CYB5RL: variants seen among roughly 807,000 people sequenced by gnomAD.
The protein encoded by CYB5RL is cytochrome b5 reductase like.
In CYB5RL, 38 loss-of-function variants were observed where a neutral mutation model predicts 37.5. The ratio of observed to expected loss-of-function variants is 1.01; its 90% confidence interval spans 0.78 to 1.33. The LOEUF (loss-of-function observed/expected upper bound fraction) is 1.33. Among genes scored for constraint, CYB5RL ranks in the 40% most tolerant of loss-of-function variants. CYB5RL has a pLI of 0.00. For missense variants in CYB5RL, 388 were observed against 394.4 expected, an observed-to-expected ratio of 0.98 and a Z score of 0.14; for synonymous variants, 141 against 151.9, an observed-to-expected ratio of 0.93 and a Z score of 0.53.
chr1:54,171,942 C>T lies in CYB5RL; in HGVS notation c.*2677G>A, dbSNP rs1659903048. ...TTGGCACCAAGGGCACGGCTGGGTC[C>T]CCACCAATGTCCCATGATAAGAGAT... On this transcript the variant is annotated 3_prime_UTR_variant, in exon 8 of 8. Coordinates refer to ENST00000534324, the MANE Select transcript of CYB5RL (RefSeq NM_001031672.4). 1 of 167,960 alleles carries T rather than the reference C, an allele frequency of 6.0e-6. No homozygotes were observed. The highest frequency in any genetic ancestry group is 2.4e-5 in the African/African-American group (1 of 41,748). 10.4% of individuals were successfully genotyped at this position (167,960 alleles called of 1,614,324 possible). A position where few individuals can be genotyped will look rare whatever the true frequency, so the allele number is the denominator to read the frequency against.
At chr1:54,185,361 T>C (rs1192674300) in intron 5 of CYB5RL, 1 of 149,498 alleles carries the variant, frequency 6.7e-6, no homozygotes, top group East Asian at 1.9e-4. Flanking sequence ...GAGAGGACTC[T>C]GGACATCAGG....
At chr1:54,179,964 G>A (rs565983727) in intron 6 of CYB5RL, 56 of 453,618 alleles carry the variant, frequency 1.2e-4, no homozygotes, top group Non-Finnish European at 1.8e-4. Flanking sequence ...GTGAGTTCCC[G>A]GCCAGGAGTG....
intron 7 of CYB5RL, 68 bp from the exon 8 acceptor site, chr1:54,174,890 C>G: frequency 6.6e-7 from 1 of 1,516,678 alleles, no homozygotes; most frequent in East Asian, 2.3e-5. Context: ...ACACAGCCAG[C>G]TCTCCTCTGC....
chr1:54,194,090 G>T (rs953649424), intron 3 of CYB5RL, among the ~76,000 whole-genome samples: 5 of 150,954 alleles, frequency 3.3e-5, no homozygotes, highest in African/African-American at 9.7e-5. Flanking sequence ...CAACTGCAAG[G>T]CCAGGTGTGG....
intron 6 of CYB5RL, among the ~76,000 whole-genome samples, chr1:54,183,726 A>G (rs1660220802): frequency 6.6e-6 from 1 of 152,198 alleles, no homozygotes; most frequent in South Asian, 2.1e-4. Flanking sequence ...CTGTAACCCC[A>G]GCACTTTGGG....
Position 54,171,694 on chromosome 1 carries a change from C to T in CYB5RL, c.*2925G>A, listed in dbSNP as rs964706740. ...CATGTCTAGCTCCTAAGTCTCCCTTCTCCTACTACAACATCACACGGTGGC... is the reference window on the plus strand; with the variant it reads ...CATGTCTAGCTCCTAAGTCTCCCTTTTCCTACTACAACATCACACGGTGGC... On this transcript the variant is annotated 3_prime_UTR_variant, in exon 8 of 8. Coordinates refer to ENST00000534324, the MANE Select transcript of CYB5RL (RefSeq NM_001031672.4). 1.2e-5 allele frequency: 4 copies of T among 341,104 alleles called. No homozygotes were observed. The highest frequency in any genetic ancestry group is 6.4e-5 in the African/African-American group (3 of 46,554). The allele number at this position is 341,104 out of a possible 1,614,324, so 21.1% of individuals were successfully genotyped here.
intron 3 of CYB5RL, among the ~76,000 whole-genome samples, chr1:54,194,399 T>A (rs1297685749): frequency 6.6e-6 from 1 of 151,300 alleles, no homozygotes; most frequent in African/African-American, 2.4e-5. Context: ...AAAGAAAAGA[T>A]AAGAAAAACA....
chr1:54,195,477 C>T lies in CYB5RL; in HGVS notation c.140G>A (p.Arg47Lys), dbSNP rs946448. ...CTTGCTGGCTTGGGCTGCCTCCCAC[C>T]TTGCCAGATCTCGGTGATAGAGGTC... ...VFDLYHRDLA[R>K]WEAAQASKDR... The change falls in exon 3 of 8, where the codon AGG becomes AAG. Residue 47 changes from arginine (R) to lysine (K), a missense_variant. Coordinates refer to ENST00000534324, the MANE Select transcript of CYB5RL (RefSeq NM_001031672.4). 0.35 allele frequency: 564,241 copies of T among 1,612,066 alleles called. 101,540 individuals are homozygous for T. The highest frequency in any genetic ancestry group is 0.44 in the South Asian group (39,986 of 90,916).
At chr1:54,194,629 C>A (rs1643989535) in intron 3 of CYB5RL, among the ~76,000 whole-genome samples, 1 of 151,572 alleles carries the variant, frequency 6.6e-6, no homozygotes, top group South Asian at 2.1e-4. Context: ...GGCAACATAG[C>A]AAGATTCCAT....
At chr1:54,195,340 T>C in intron 3 of CYB5RL, 79 bp downstream of exon 3, 2 of 1,411,100 alleles carry the variant, frequency 1.4e-6, no homozygotes, top group South Asian at 3.1e-5. Context: ...CAGGGAAGGC[T>C]TCCTAGAGGT....
intron 2 of CYB5RL, among the ~76,000 whole-genome samples, chr1:54,196,032 C>T (rs1207392047): frequency 6.6e-6 from 1 of 152,160 alleles, no homozygotes. Flanking sequence ...TGTCTTATTC[C>T]TTTTGTATTC....
At chr1:54,175,710 C>T (rs1372278432) in intron 7 of CYB5RL, 1 of 427,088 alleles carries the variant, frequency 2.3e-6, no homozygotes, top group South Asian at 1.7e-5. Context: ...AACAATATAG[C>T]AATAGAAACA....
chr1:54,188,913 G>C (rs1188997213), intron 4 of CYB5RL, among the ~76,000 whole-genome samples: 2 of 152,224 alleles, frequency 1.3e-5, no homozygotes, highest in African/African-American at 4.8e-5. Flanking sequence ...GGCTGGGCGT[G>C]GTGGCTCACG....
intron 3 of CYB5RL, among the ~76,000 whole-genome samples, chr1:54,192,486 CTGTT>C (rs1643965039): frequency 6.6e-6 from 1 of 152,012 alleles, no homozygotes; most frequent in Non-Finnish European, 1.5e-5. Flanking sequence ...CGCTGGACCT[CTGTT>C]TGCAACTTTA....
Position 54,174,284 on chromosome 1 carries a change from G to A in CYB5RL, c.*335C>T, listed in dbSNP as rs1174013134. The A allele has an allele frequency of 8.8e-6, 3 of 341,764 alleles. No homozygotes were observed. Among genetic ancestry groups the A allele is most frequent in the Non-Finnish European group, 1.7e-5 (3 of 177,678 alleles). The allele number at this position is 341,764 out of a possible 1,614,324, so 21.2% of individuals were successfully genotyped here. ...CGGAGGGGCCAGGGAAGCTCCTCCC[G>A]ACTCTTCCCCTGCCCAACTCCTACT... is the stretch of plus-strand genomic sequence containing the variant. On this transcript the variant is annotated 3_prime_UTR_variant, in exon 8 of 8. Transcript: ENST00000534324.
rs775294559 is a variant in CYB5RL, at chr1:54,190,949, G to A, written c.199-53C>T. On this transcript the variant is annotated intron_variant, in intron 3 of 7. Transcript: ENST00000534324. ...GAGGCCGGGGCTCCACAGACACACA[G>A]GCATCCATAGCATCCTTCCCACTGT... The A allele has an allele frequency of 2.3e-4, 368 of 1,580,242 alleles. 1 individual carries two copies. The highest frequency in any genetic ancestry group is 2.9e-4 in the Non-Finnish European group (340 of 1,164,112).
At chr1:54,187,528 C>T (rs569480105) in intron 5 of CYB5RL, 124 bp downstream of exon 5, 87 of 853,742 alleles carry the variant, frequency 1.0e-4, no homozygotes, top group Admixed American at 6.0e-4. Flanking sequence ...CTTACTTCCC[C>T]AATTGCCTTT....
rs1459763241 is a variant in CYB5RL, at chr1:54,170,048, T to C, written c.*4571A>G. The C allele has an allele frequency of 6.6e-6, 1 of 152,246 alleles. No homozygotes were observed. The highest frequency in any genetic ancestry group is 2.4e-5 in the African/African-American group (1 of 41,470). 9.4% of individuals were successfully genotyped at this position (152,246 alleles called of 1,614,324 possible). A position where few individuals can be genotyped will look rare whatever the true frequency, so the allele number is the denominator to read the frequency against. On this transcript the variant is annotated 3_prime_UTR_variant, in exon 8 of 8. Transcript: ENST00000534324. ...TACATGCGGATGGAGTTCACTTTAA[T>C]TGCTGTATCTACAGGCAGTTTTTAA...
At chr1:54,199,621 T>G (rs557726109) in intron 1 of CYB5RL, among the ~76,000 whole-genome samples, 24 of 152,312 alleles carry the variant, frequency 1.6e-4, no homozygotes, top group Non-Finnish European at 2.8e-4. Flanking sequence ...GCATCTTCAT[T>G]GCTCTGTCCT....
Sources: gnomAD v4.1 joint callset for allele counts (sites outside exome capture counted in the v4.1 genomes callset) on GRCh38, gnomAD v4.1.1 for gene constraint, MANE v1.5 for transcripts, NCBI Gene and HGNC (gene_info 2026-07-23, HGNC 2026-07-21) for gene names.